Variants in CMIP observed in about 807,000 individuals in gnomAD.
CMIP encodes the protein C-Maf-inducing protein.
A neutral mutation model predicts 97.3 loss-of-function variants in CMIP; 13 were observed. That is an observed-to-expected ratio of 0.13 (90% CI 0.09 to 0.21). The LOEUF is 0.21. Among genes scored for constraint, CMIP ranks in the 10% least tolerant of loss-of-function variants. The pLI is 1.00. For missense variants in CMIP, 847 were observed against 1,024.9 expected (o/e 0.83, Z 2.37); for synonymous variants, 538 against 436.3 (o/e 1.23, Z -2.91).
At chr16:81,691,875 C>G in intron 11 of CMIP, 35 bp downstream of exon 11, 1 of 1,574,198 alleles carries the variant, frequency 6.4e-7, no homozygotes, top group East Asian at 2.2e-5. Context: ...GCCCTCCCAC[C>G]TGTGAGACAA....
At chr16:81,638,482 A>G (rs1450441010) in intron 3 of CMIP, among the ~76,000 whole-genome samples, 2 of 151,884 alleles carry the variant, frequency 1.3e-5, no homozygotes, top group East Asian at 1.9e-4. Context: ...CTGGGATTTG[A>G]TTAAGGAACC....
intron 1 of CMIP, among the ~76,000 whole-genome samples, chr16:81,494,385 G>T (rs565404289): frequency 6.6e-6 from 1 of 152,190 alleles, no homozygotes; most frequent in African/African-American, 2.4e-5. Context: ...CTTTATTGAC[G>T]CAGAGGGTGG....
intron 10 of CMIP, among the ~76,000 whole-genome samples, chr16:81,688,265 C>T (rs762522743): frequency 3.9e-5 from 6 of 152,194 alleles, no homozygotes; most frequent in Non-Finnish European, 8.8e-5. Flanking sequence ...GAAGGAGGCT[C>T]TTTCATGAAA....
intron 2 of CMIP, among the ~76,000 whole-genome samples, chr16:81,611,983 G>A (rs767722034): frequency 3.9e-5 from 6 of 152,198 alleles, no homozygotes; most frequent in East Asian, 1.9e-4. Context: ...TGTTTTCAGC[G>A]TGAGCTCCCT....
At chr16:81,675,664 A>G (rs955012053) in intron 9 of CMIP, among the ~76,000 whole-genome samples, 1 of 152,158 alleles carries the variant, frequency 6.6e-6, no homozygotes, top group African/African-American at 2.4e-5. Context: ...TCTGCTGCAC[A>G]CTGAATATGG....
intron 1 of CMIP, among the ~76,000 whole-genome samples, chr16:81,458,909 G>A (rs948782183): frequency 1.9e-4 from 29 of 152,142 alleles, no homozygotes; most frequent in Admixed American, 1.7e-3. Context: ...GTGTGGACAC[G>A]TGGCATGTGC....
At chr16:81,604,423 G>T (rs980209847) in intron 1 of CMIP, among the ~76,000 whole-genome samples, 4 of 148,090 alleles carry the variant, frequency 2.7e-5, no homozygotes, top group Admixed American at 2.7e-4. Context: ...AAAAGGACCG[G>T]CTGCGGTGGC....
At chr16:81,594,172 C>T (rs1208711309) in intron 1 of CMIP, among the ~76,000 whole-genome samples, 2 of 147,220 alleles carry the variant, frequency 1.4e-5, no homozygotes, top group African/African-American at 5.0e-5. Context: ...GGCTGGAGCG[C>T]ACTGGTGCAA....
intron 1 of CMIP, among the ~76,000 whole-genome samples, chr16:81,523,428 T>C (rs1276471336): frequency 6.6e-6 from 1 of 152,184 alleles, no homozygotes; most frequent in Non-Finnish European, 1.5e-5. Context: ...CAGAAGGACG[T>C]GGGGCCCACA....
At position 81,652,504 on chromosome 16, in the gene CMIP, C is replaced by T; in HGVS notation, c.639+140C>T. On this transcript the variant is annotated intron_variant, in intron 4 of 20. Transcript: ENST00000537098. This position sits in a 1 kb window ranked among gnomAD's most constrained non-coding sequence, Gnocchi z 5.2. ...TGCTGCCGAAGGAGGTGAGCAGTTGCCCACCCAGCCGTGTGTGGGAGTTGG... is the reference window on the plus strand; with the variant it reads ...TGCTGCCGAAGGAGGTGAGCAGTTGTCCACCCAGCCGTGTGTGGGAGTTGG... 1 of 718,556 alleles carries T rather than the reference C, an allele frequency of 1.4e-6. No individual in the cohort carries two copies. Among genetic ancestry groups the T allele is most frequent in the Non-Finnish European group, 2.3e-6 (1 of 434,512 alleles). 44.5% of individuals were successfully genotyped at this position (718,556 alleles called of 1,614,324 possible).
At chr16:81,533,700 A>G (rs1176797869) in intron 1 of CMIP, among the ~76,000 whole-genome samples, 2 of 152,100 alleles carry the variant, frequency 1.3e-5, no homozygotes, top group African/African-American at 2.4e-5. Context: ...GCTGGTCACA[A>G]ACTCCTGAGC....
chr16:81,551,760 G>C (rs1399308383), intron 1 of CMIP, among the ~76,000 whole-genome samples: 2 of 152,212 alleles, frequency 1.3e-5, no homozygotes, highest in African/African-American at 4.8e-5. Context: ...TGTCCAAGGT[G>C]GCCTCTGCTT....
At chr16:81,617,381 C>T (rs2091933238) in intron 2 of CMIP, 1 of 152,304 alleles carries the variant, frequency 6.6e-6, no homozygotes, top group South Asian at 2.1e-4. Flanking sequence ...CAGCTCCTCC[C>T]AGGTGAATTC....
chr16:81,703,858 G>C, intron 17 of CMIP, 81 bp from the exon 18 acceptor site: 1 of 1,495,770 alleles, frequency 6.7e-7, no homozygotes, highest in Non-Finnish European at 8.9e-7. Flanking sequence ...GAGGGGAGAG[G>C]AGGAGGATAG....
At chr16:81,685,893 T>G (rs1366121685) in intron 10 of CMIP, among the ~76,000 whole-genome samples, 1 of 152,164 alleles carries the variant, frequency 6.6e-6, no homozygotes, top group African/African-American at 2.4e-5. Context: ...GGAGATCGTC[T>G]TCCTTCTCAG....
intron 9 of CMIP, among the ~76,000 whole-genome samples, chr16:81,675,318 C>T (rs1034338059): frequency 6.6e-6 from 1 of 152,122 alleles, no homozygotes; most frequent in Admixed American, 6.5e-5. Flanking sequence ...ATTCTCATGC[C>T]TCAGCCACCC....
At chr16:81,566,315 C>T (rs757774877) in intron 1 of CMIP, among the ~76,000 whole-genome samples, 4 of 152,202 alleles carry the variant, frequency 2.6e-5, no homozygotes, top group Non-Finnish European at 5.9e-5. Flanking sequence ...TCCCAGCCTC[C>T]TGGGGACACA....
intron 1 of CMIP, among the ~76,000 whole-genome samples, chr16:81,473,109 C>A (rs933795129): frequency 3.3e-5 from 5 of 152,248 alleles, no homozygotes; most frequent in Non-Finnish European, 7.3e-5. Flanking sequence ...CTGCCTGCGG[C>A]CCCTGCCTCC....
At chr16:81,446,772 A>G (rs961949255) in intron 1 of CMIP, among the ~76,000 whole-genome samples, 2 of 152,206 alleles carry the variant, frequency 1.3e-5, no homozygotes, top group Non-Finnish European at 2.9e-5. Flanking sequence ...GGTGTGTCAC[A>G]GGCCATGACA....
Sources: gnomAD v4.1 joint callset for allele counts (sites outside exome capture counted in the v4.1 genomes callset) on GRCh38, gnomAD v4.1.1 for gene constraint, Gnocchi (gnomAD v3.1) non-coding constraint, MANE v1.5 for transcripts, NCBI Gene and HGNC (gene_info 2026-07-23, HGNC 2026-07-21) for gene names.